CMTM4: variants seen among roughly 807,000 people sequenced by gnomAD.
CMTM4 encodes CKLF like MARVEL transmembrane domain containing 4.
In CMTM4, 8 loss-of-function variants were observed where a neutral mutation model predicts 19.0. The ratio of observed to expected loss-of-function variants is 0.42; its 90% CI spans 0.25 to 0.76. CMTM4 has a LOEUF of 0.76. Ranked by LOEUF, CMTM4 falls within the 30% of genes least tolerant of loss-of-function variation. The probability of loss-of-function intolerance (pLI) is 0.27; values close to 1 mark genes in which losing one functional copy is unlikely to be tolerated. For missense variants in CMTM4, 228 were observed against 290.2 expected, an observed-to-expected ratio of 0.79 and a Z score of 1.56; for synonymous variants, 106 against 121.1, an observed-to-expected ratio of 0.88 and a Z score of 0.82.
chr16:66,691,220 T>C (rs1427988443), intron 1 of CMTM4, among the ~76,000 whole-genome samples: 1 of 152,172 alleles, frequency 6.6e-6, no homozygotes, highest in Non-Finnish European at 1.5e-5. Context: ...GAAAGGGATG[T>C]GGATCAGGTG....
chr16:66,604,730 G>T, the CMTM4 span: 1 of 1,134,272 alleles, frequency 8.8e-7, no homozygotes, highest in East Asian at 3.5e-5. Flanking sequence ...CTTCCGCACA[G>T]CCCGGGTTTC....
chr16:66,662,614 C>T (rs1044899176), intron 1 of CMTM4, among the ~76,000 whole-genome samples: 2 of 152,112 alleles, frequency 1.3e-5, no homozygotes, highest in Non-Finnish European at 2.9e-5. Context: ...GAGGAGTCGA[C>T]TCAGAGGAAC....
chr16:66,683,558 T>A (rs2016980676), intron 1 of CMTM4, among the ~76,000 whole-genome samples: 1 of 151,838 alleles, frequency 6.6e-6, no homozygotes, highest in Non-Finnish European at 1.5e-5. Flanking sequence ...CCCAAAGTGC[T>A]GGGAGCTACC....
In CMTM4 at chr16:66,622,054, G is replaced by A. The variant is rs2015646546; in HGVS notation, c.*4C>T. 1.3e-6 allele frequency: 2 copies of A among 1,562,726 alleles called. No individual in the cohort carries two copies. Among genetic ancestry groups the A allele is most frequent in the Non-Finnish European group, 1.7e-6 (2 of 1,152,562 alleles). On this transcript the variant is annotated 3_prime_UTR_variant, in exon 4 of 4. Coordinates refer to ENST00000394106, the MANE Select transcript of CMTM4 (RefSeq NM_181521.3). The surrounding 1 kb of genome is among the most constrained non-coding windows in gnomAD (Gnocchi z 4.0). ...ACGGGAGGGAGGAGGATCCAGGCAGGTCCTCACGTGTCCAGGCGCTGGATC... is the reference window on the plus strand; with the variant it reads ...ACGGGAGGGAGGAGGATCCAGGCAGATCCTCACGTGTCCAGGCGCTGGATC...
intron 1 of CMTM4, among the ~76,000 whole-genome samples, chr16:66,651,867 G>A (rs2016317407): frequency 6.6e-6 from 1 of 152,202 alleles, no homozygotes; most frequent in African/African-American, 2.4e-5. Flanking sequence ...AGACAATCGA[G>A]CAATGAGCAA....
intron 1 of CMTM4, among the ~76,000 whole-genome samples, chr16:66,676,908 T>C (rs1423298612): frequency 3.9e-5 from 6 of 152,114 alleles, no homozygotes; most frequent in Non-Finnish European, 1.5e-5. Flanking sequence ...CAGGGACATA[T>C]GTAATGTAAA....
chr16:66,620,804 T>G lies in CMTM4; in HGVS notation c.*1254A>C. ...ACCTGACAAACTAAAACAACTTTTT[T>G]CCATAAAAGATATAATTACTCTCTA... On this transcript the variant is annotated 3_prime_UTR_variant, in exon 4 of 4. Transcript: ENST00000394106. 1 of 985,558 alleles carries G rather than the reference T, an allele frequency of 1.0e-6. No individual in the cohort carries two copies. The highest frequency in any genetic ancestry group is 1.2e-6 in the Non-Finnish European group (1 of 829,776). 61.1% of individuals were successfully genotyped at this position (985,558 alleles called of 1,614,324 possible). A position where few individuals can be genotyped will look rare whatever the true frequency, so the allele number is the denominator to read the frequency against.
intron 1 of CMTM4, among the ~76,000 whole-genome samples, chr16:66,680,543 G>A (rs2016891945): frequency 6.6e-6 from 1 of 151,470 alleles, no homozygotes; most frequent in Non-Finnish European, 1.5e-5. Context: ...GGGAGGCCAA[G>A]GCGGGCAGAT....
At chr16:66,672,017 C>T (rs1213628206) in intron 1 of CMTM4, among the ~76,000 whole-genome samples, 1 of 151,254 alleles carries the variant, frequency 6.6e-6, no homozygotes, top group Non-Finnish European at 1.5e-5. Context: ...CACAGTTAGA[C>T]CGTGTCTCAA....
chr16:66,618,968 G>A lies in CMTM4; in HGVS notation c.*3090C>T. On this transcript the variant is annotated 3_prime_UTR_variant, in exon 4 of 4. Transcript: ENST00000394106. Reference sequence around the variant, plus strand: ...CAGCTCACATTGCCAAGGAAGATGTGTATTGGGGCTGTGCAGGCTGCCACA... The same window carrying A: ...CAGCTCACATTGCCAAGGAAGATGTATATTGGGGCTGTGCAGGCTGCCACA... 1.0e-6 allele frequency: 1 copy of A among 985,506 alleles called. No individual in the cohort carries two copies. The highest frequency in any genetic ancestry group is 1.2e-6 in the Non-Finnish European group (1 of 829,956). 61.0% of individuals were successfully genotyped at this position (985,506 alleles called of 1,614,324 possible).
Position 66,684,111 on chromosome 16 carries a change from G to A in CMTM4, c.186+12229C>T, listed in dbSNP as rs1051098990. Among the ~76,000 whole-genome samples, 3 of 152,182 alleles carry A rather than the reference G, an allele frequency of 2.0e-5. No homozygotes were observed. The East Asian group carries it at 5.8e-4, about 29-fold the overall frequency. On this transcript the variant is annotated intron_variant, in intron 1 of 3. Coordinates refer to ENST00000394106, the MANE Select transcript of CMTM4 (RefSeq NM_181521.3). ...TTCTGCTTAATGTAAGCAGAAATCT[G>A]CCTTATTCTGCTTACTGTGGTTTAG...
chr16:66,676,424 C>A (rs2016812193), intron 1 of CMTM4, among the ~76,000 whole-genome samples: 1 of 152,162 alleles, frequency 6.6e-6, no homozygotes, highest in Non-Finnish European at 1.5e-5. Context: ...AAACCTCCAT[C>A]CCTATGGCAG....
the CMTM4 span, among the ~76,000 whole-genome samples, chr16:66,606,393 C>T: frequency 2.0e-5 from 3 of 152,096 alleles, no homozygotes; most frequent in Admixed American, 6.5e-5. Context: ...CATGGAAGGC[C>T]TTCCTGGGAG....
chr16:66,611,869 G>A (rs1182320900), downstream of CMTM4, among the ~76,000 whole-genome samples: 1 of 152,036 alleles, frequency 6.6e-6, no homozygotes, highest in Non-Finnish European at 1.5e-5. Flanking sequence ...GATATAAAAT[G>A]GCTAAAAAGA....
At chr16:66,623,845 C>G (rs1209126804) in intron 2 of CMTM4, among the ~76,000 whole-genome samples, 1 of 152,186 alleles carries the variant, frequency 6.6e-6, no homozygotes, top group Non-Finnish European at 1.5e-5. Context: ...ACAAAGCTCC[C>G]CAAGGATCCA....
chr16:66,687,325 C>T (rs1264141246), intron 1 of CMTM4, among the ~76,000 whole-genome samples: 2 of 152,064 alleles, frequency 1.3e-5, no homozygotes, highest in African/African-American at 4.8e-5. Flanking sequence ...AAGCTAGTAA[C>T]ATCTACTATT....
chr16:66,661,846 T>C (rs2016504633), intron 1 of CMTM4, among the ~76,000 whole-genome samples: 2 of 152,050 alleles, frequency 1.3e-5, no homozygotes. Context: ...GGCAGGAGAA[T>C]TGCGTGAACT....
rs2015641049 is a variant in CMTM4 at position 66,621,819 on chromosome 16, A to G, written c.*239T>C. On this transcript the variant is annotated 3_prime_UTR_variant, in exon 4 of 4. Coordinates refer to ENST00000394106, the MANE Select transcript of CMTM4 (RefSeq NM_181521.3). The stretch of plus-strand genomic sequence containing the variant: ...GTGCTTCAGGGCAGGTAAGACCTCA[A>G]GTGGACCTGGGCAGTGACGCCGGCT... 2 of 1,358,636 alleles carry G rather than the reference A, an allele frequency of 1.5e-6. No individual in the cohort carries two copies. Among genetic ancestry groups the G allele is most frequent in the Non-Finnish European group, 1.9e-6 (2 of 1,053,398 alleles). 84.2% of individuals were successfully genotyped at this position (1,358,636 alleles called of 1,614,324 possible). A position where few individuals can be genotyped will look rare whatever the true frequency, so the allele number is the denominator to read the frequency against.
chr16:66,655,881 G>A (rs1197506099), intron 1 of CMTM4, among the ~76,000 whole-genome samples: 1 of 152,106 alleles, frequency 6.6e-6, no homozygotes, highest in East Asian at 1.9e-4. Flanking sequence ...GCTTTGGGAG[G>A]CTAAGGCATG....
Sources: allele counts gnomAD v4.1 joint callset (sites outside exome capture counted in the v4.1 genomes callset), GRCh38; gene constraint gnomAD v4.1.1; non-coding constraint Gnocchi (gnomAD v3.1); transcripts MANE v1.5; gene names NCBI Gene and HGNC (gene_info 2026-07-23, HGNC 2026-07-21).